The following FAM219A variants were observed in gnomAD, a reference collection of about 807,000 sequenced individuals.
FAM219A encodes protein FAM219A.
Under a neutral mutation model 23.4 loss-of-function variants are expected in FAM219A, and 7 were observed. The observed-to-expected ratio is 0.30, with a 90% CI of 0.17 to 0.56. The LOEUF is 0.56. Among genes scored for constraint, FAM219A ranks in the 20% least tolerant of loss-of-function variants. FAM219A has a pLI of 0.92. For missense variants in FAM219A, 166 were observed against 246.9 expected (o/e 0.67, Z 2.20); for synonymous variants, 93 against 99.0 (o/e 0.94, Z 0.36).
chr9:34,404,689 CAG>C (rs1821572903), intron 2 of FAM219A, among the ~76,000 whole-genome samples: 1 of 151,198 alleles, frequency 6.6e-6, no homozygotes, highest in Non-Finnish European at 1.5e-5. Context: ...GCCTGGACAA[CAG>C]AGAGAGACTC....
intron 1 of FAM219A, 25 bp from the exon 2 acceptor site, chr9:34,405,989 G>C: frequency 6.3e-7 from 1 of 1,592,234 alleles, no homozygotes; most frequent in Non-Finnish European, 8.6e-7. Context: ...CAGTAAGACA[G>C]AGAGTTGTTA....
At chr9:34,453,867 A>C (rs1159787725) in intron 1 of FAM219A, among the ~76,000 whole-genome samples, 9 of 152,258 alleles carry the variant, frequency 5.9e-5, no homozygotes, top group Non-Finnish European at 1.2e-4. Context: ...CTGAGCAGAC[A>C]GACAATAGGG....
chr9:34,432,480 G>T (rs1488515098), intron 1 of FAM219A, among the ~76,000 whole-genome samples: 1 of 152,188 alleles, frequency 6.6e-6, no homozygotes, highest in Non-Finnish European at 1.5e-5. Context: ...CCCTTGGCTT[G>T]CATGGAAACA....
intron 1 of FAM219A, among the ~76,000 whole-genome samples, chr9:34,419,401 C>T (rs187678066): frequency 1.4e-4 from 22 of 152,028 alleles, no homozygotes; most frequent in African/African-American, 4.8e-4. Context: ...TAGACAGGGC[C>T]CAGAGGACAG....
intron 1 of FAM219A, among the ~76,000 whole-genome samples, chr9:34,414,028 T>G (rs768397302): frequency 4.8e-4 from 73 of 152,366 alleles, no homozygotes; most frequent in Middle Eastern, 3.4e-3. Context: ...GAAATAAGCA[T>G]GTTTAGGTAT....
At chr9:34,431,793 A>G (rs1822716335) in intron 1 of FAM219A, among the ~76,000 whole-genome samples, 1 of 152,216 alleles carries the variant, frequency 6.6e-6, no homozygotes, top group African/African-American at 2.4e-5. Flanking sequence ...ACAAAAGAAA[A>G]AGGAAAAAAA....
At chr9:34,438,249 A>C (rs1234852030) in intron 1 of FAM219A, among the ~76,000 whole-genome samples, 1 of 152,176 alleles carries the variant, frequency 6.6e-6, no homozygotes, top group African/African-American at 2.4e-5. Context: ...CTCCCCAGTG[A>C]GGCCTGTGCC....
chr9:34,420,973 CGT>C (rs533243353), intron 1 of FAM219A, among the ~76,000 whole-genome samples: 22 of 133,168 alleles, frequency 1.7e-4, no homozygotes, highest in Middle Eastern at 3.8e-3. Context: ...GAGTGAAACT[CGT>C]GTGTGTGTGT....
At chr9:34,432,730 G>A (rs892953242) in intron 1 of FAM219A, among the ~76,000 whole-genome samples, 2 of 152,102 alleles carry the variant, frequency 1.3e-5, no homozygotes, top group African/African-American at 4.8e-5. Flanking sequence ...CTGGCGTCAC[G>A]TTCCTCCCCC....
Position 34,398,671 on chromosome 9 carries a change from C to T in FAM219A, c.*2293G>A. The T allele has an allele frequency of 2.5e-6, 1 of 399,104 alleles. No individual in the cohort carries two copies. Among genetic ancestry groups the T allele is most frequent in the Non-Finnish European group, 4.6e-6 (1 of 215,410 alleles). The allele number at this position is 399,104 out of a possible 1,614,324, so 24.7% of individuals were successfully genotyped here. ...CACTGCAAGTCAGCAGCAAAGGCAGCAGTCTAAATGAGCCCCCAAAAAGAG... is the reference window on the plus strand; with the variant it reads ...CACTGCAAGTCAGCAGCAAAGGCAGTAGTCTAAATGAGCCCCCAAAAAGAG... On this transcript the variant is annotated 3_prime_UTR_variant, in exon 6 of 6. Coordinates refer to ENST00000651358, the MANE Select transcript of FAM219A (RefSeq NM_001184940.2).
intron 1 of FAM219A, among the ~76,000 whole-genome samples, chr9:34,442,641 C>T (rs1823221070): frequency 6.6e-6 from 1 of 150,882 alleles, no homozygotes; most frequent in African/African-American, 2.4e-5. Flanking sequence ...GCCGAGATCA[C>T]GCCACTGCAC....
chr9:34,453,595 T>C (rs542800171), intron 1 of FAM219A, among the ~76,000 whole-genome samples: 1 of 152,264 alleles, frequency 6.6e-6, no homozygotes, highest in South Asian at 2.1e-4. Context: ...CTGATCTGAG[T>C]AGATGCTCGT....
chr9:34,416,080 G>A (rs1041650646), intron 1 of FAM219A, among the ~76,000 whole-genome samples: 1 of 151,986 alleles, frequency 6.6e-6, no homozygotes, highest in Non-Finnish European at 1.5e-5. Context: ...GGAAGGCTGA[G>A]TGGGAGGATT....
chr9:34,430,343 A>G (rs1372058388), intron 1 of FAM219A, among the ~76,000 whole-genome samples: 1 of 152,100 alleles, frequency 6.6e-6, no homozygotes, highest in Non-Finnish European at 1.5e-5. Context: ...AGCCTAGGCA[A>G]CATGTCAAAA....
At chr9:34,434,500 G>A (rs1464549836) in intron 1 of FAM219A, among the ~76,000 whole-genome samples, 2 of 151,994 alleles carry the variant, frequency 1.3e-5, no homozygotes, top group African/African-American at 2.4e-5. Context: ...GCCCTATAAA[G>A]CTGAGTAACT....
chr9:34,402,205 C>A, intron 4 of FAM219A, 182 bp downstream of exon 4: 1 of 1,546,440 alleles, frequency 6.5e-7, no homozygotes, highest in Non-Finnish European at 8.7e-7. Flanking sequence ...TCTCTGCCAC[C>A]TCTCTTCAAC....
rs1821481855 is a variant in FAM219A, at chr9:34,402,467, C to T, written c.264G>A (p.Arg88=). ...PKKNNVMART[R]LVVPNKGYSS... is the part of the protein sequence containing the mutation. ...AGTAGCCTTTATTGGGGACGACCAG[C>T]CTAGGTGAAGAATTTCGGGAGTTAG... is the stretch of plus-strand genomic sequence containing the variant. The change falls in exon 4 of 6, where the codon AGG becomes AGA. Residue 88 remains arginine (R), a splice_region_variant and synonymous_variant. Coordinates refer to ENST00000651358, the MANE Select transcript of FAM219A (RefSeq NM_001184940.2). 3.1e-6 allele frequency: 5 copies of T among 1,614,132 alleles called. No individual in the cohort carries two copies. The highest frequency in any genetic ancestry group is 3.4e-6 in the Non-Finnish European group (4 of 1,180,016).
At chr9:34,446,519 A>T (rs1280163755) in intron 1 of FAM219A, among the ~76,000 whole-genome samples, 1 of 152,220 alleles carries the variant, frequency 6.6e-6, no homozygotes, top group East Asian at 1.9e-4. Context: ...GGACTAGGAC[A>T]TTTGCACAGA....
rs1475012917 is a variant in FAM219A at position 34,457,223 on chromosome 9, C to G, written c.60+981G>C. ...GCCTAGACATTCCCTCTCTTCCCCC[C>G]TCACTATACGAGCTGGCTAGGCCTC... On this transcript the variant is annotated intron_variant, in intron 1 of 5. Coordinates refer to ENST00000651358, the MANE Select transcript of FAM219A (RefSeq NM_001184940.2). The surrounding 1 kb of genome is among the most constrained non-coding windows in gnomAD (Gnocchi z 5.1). Among the ~76,000 whole-genome samples, 1 of 152,214 alleles carries G rather than the reference C, an allele frequency of 6.6e-6. No individual in the cohort carries two copies. The highest frequency in any genetic ancestry group is 2.4e-5 in the African/African-American group (1 of 41,448).
Sources: gnomAD v4.1 joint callset for allele counts (sites outside exome capture counted in the v4.1 genomes callset) on GRCh38, gnomAD v4.1.1 for gene constraint, Gnocchi (gnomAD v3.1) non-coding constraint, MANE v1.5 for transcripts, NCBI Gene and HGNC (gene_info 2026-07-23, HGNC 2026-07-21) for gene names.